The following ADCY1 variants were observed in gnomAD, a reference collection of about 807,000 sequenced individuals.
ADCY1 encodes adenylate cyclase type 1.
Under a neutral mutation model 105.4 loss-of-function variants are expected in ADCY1, and 28 were observed. That is an observed-to-expected ratio of 0.27 (90% confidence interval 0.20 to 0.36). ADCY1 has a LOEUF of 0.36. Among genes scored for constraint, ADCY1 ranks in the 10% least tolerant of loss-of-function variants. The pLI is 1.00. For missense variants in ADCY1, 977 were observed against 1,434.2 expected, an observed-to-expected ratio of 0.68 and a Z score of 5.15; for synonymous variants, 655 against 623.8, an observed-to-expected ratio of 1.05 and a Z score of -0.75.
intron 11 of ADCY1, chr7:45,684,362 C>T (rs1006289325): frequency 6.6e-6 from 1 of 152,196 alleles, no homozygotes; most frequent in Non-Finnish European, 1.5e-5. Flanking sequence ...GTGTAGCCGG[C>T]GAAGGGCACC....
chr7:45,697,102 C>G (rs1052748403), intron 14 of ADCY1, among the ~76,000 whole-genome samples: 2 of 152,214 alleles, frequency 1.3e-5, no homozygotes, highest in Non-Finnish European at 2.9e-5. Flanking sequence ...ACTTCAGTCA[C>G]TGAAACTGAG....
At position 45,714,308 on chromosome 7, in the gene ADCY1, G is replaced by GT. The variant is rs1785323930; in HGVS notation, c.*316dup. On this transcript the variant is annotated 3_prime_UTR_variant, in exon 20 of 20. Coordinates refer to ENST00000297323, the MANE Select transcript of ADCY1 (RefSeq NM_021116.4). ...GTTTCTTTCCAGCAAGCCTGTTCAGGTTTGGCCAGGTCGGCATCAATGTAA... is the reference window on the plus strand; with the variant it reads ...GTTTCTTTCCAGCAAGCCTGTTCAGGTTTTGGCCAGGTCGGCATCAATGTAA... The GT allele has an allele frequency of 2.5e-6, 1 of 394,426 alleles. No individual in the cohort carries two copies. Among genetic ancestry groups the GT allele is most frequent in the Non-Finnish European group, 4.6e-6 (1 of 217,194 alleles). The allele number at this position is 394,426 out of a possible 1,614,324, so 24.4% of individuals were successfully genotyped here. A position where few individuals can be genotyped will look rare whatever the true frequency, so the allele number is the denominator to read the frequency against.
intron 2 of ADCY1, among the ~76,000 whole-genome samples, chr7:45,594,722 A>G (rs771489815): frequency 2.0e-5 from 3 of 152,118 alleles, no homozygotes; most frequent in East Asian, 1.9e-4. Flanking sequence ...CCTCAGCCCT[A>G]TGGAGGAGGC....
chr7:45,612,835 G>A lies in ADCY1; in HGVS notation c.908+2338G>A, dbSNP rs927053586. ...GAGAACAGAGGTGGTAGTCTGGGGT[G>A]ATAGATACCATAACTTCCCCCTACT... On this transcript the variant is annotated intron_variant, in intron 3 of 19. Coordinates refer to ENST00000297323, the MANE Select transcript of ADCY1 (RefSeq NM_021116.4). Among the ~76,000 whole-genome samples the A allele has an allele frequency of 5.3e-5, 8 of 152,188 alleles. 1 individual carries two copies. The highest frequency in any genetic ancestry group is 5.2e-4 in the Admixed American group (8 of 15,284).
At chr7:45,593,852 G>A (rs1038464788) in intron 2 of ADCY1, among the ~76,000 whole-genome samples, 1 of 152,236 alleles carries the variant, frequency 6.6e-6, no homozygotes, top group Non-Finnish European at 1.5e-5. Flanking sequence ...AATAAAAGTA[G>A]GAAATAGATC....
intron 8 of ADCY1, 111 bp downstream of exon 8, chr7:45,662,325 C>G: frequency 8.3e-7 from 1 of 1,203,206 alleles, no homozygotes; most frequent in East Asian, 2.6e-5. Flanking sequence ...TCCCTGTTCA[C>G]ATGTGGATAA....
chr7:45,659,547 C>T (rs1359311452), intron 6 of ADCY1, among the ~76,000 whole-genome samples: 4 of 152,172 alleles, frequency 2.6e-5, no homozygotes, highest in African/African-American at 9.7e-5. Flanking sequence ...GGCTCCACAG[C>T]GTTTCTTACC....
chr7:45,659,621 G>C (rs904048745), intron 6 of ADCY1, among the ~76,000 whole-genome samples: 1 of 152,200 alleles, frequency 6.6e-6, no homozygotes, highest in African/African-American at 2.4e-5. Flanking sequence ...TTGCTACCCA[G>C]TGGGGTCTGC....
intron 3 of ADCY1, among the ~76,000 whole-genome samples, chr7:45,614,151 T>A (rs749072324): frequency 6.6e-5 from 10 of 152,204 alleles, no homozygotes; most frequent in Non-Finnish European, 1.3e-4. Flanking sequence ...TAAATCACTT[T>A]TTATTCTAGC....
intron 2 of ADCY1, among the ~76,000 whole-genome samples, chr7:45,598,439 A>G (rs1793134306): frequency 6.6e-6 from 1 of 152,256 alleles, no homozygotes; most frequent in East Asian, 1.9e-4. Flanking sequence ...GGTTCTTTGA[A>G]ATAGAAAAGC....
intron 3 of ADCY1, among the ~76,000 whole-genome samples, chr7:45,619,464 T>A (rs76394328): frequency 0.031 from 4,773 of 152,252 alleles, 99 homozygotes; most frequent in African/African-American, 0.056. Flanking sequence ...TATTGAAGTG[T>A]CACACCATAA....
At position 45,686,281 on chromosome 7, in the gene ADCY1, A is replaced by G. The variant is rs1784672138; in HGVS notation, c.2327+66A>G. The G allele has an allele frequency of 1.3e-6, 2 of 1,551,246 alleles. No homozygotes were observed. The highest frequency in any genetic ancestry group is 1.8e-6 in the Non-Finnish European group (2 of 1,142,610). ...TGCTACTGAATCTGTGTATACAGAT[A>G]TGCACTACAGGCTTCTGAGTCCAGA... On this transcript the variant is annotated intron_variant, in intron 13 of 19. Coordinates refer to ENST00000297323, the MANE Select transcript of ADCY1 (RefSeq NM_021116.4). The surrounding 1 kb of genome is among the most constrained non-coding windows in gnomAD (Gnocchi z 4.3).
chr7:45,625,388 G>A (rs979971235), intron 4 of ADCY1, among the ~76,000 whole-genome samples: 3 of 152,212 alleles, frequency 2.0e-5, no homozygotes, highest in Non-Finnish European at 4.4e-5. Context: ...GTACGTGGTG[G>A]AGATGCCTGA....
rs556465616 is a variant in ADCY1 at position 45,699,941 on chromosome 7, A to G, written c.2455-3435A>G. 7.2e-5 allele frequency among the ~76,000 whole-genome samples: 11 copies of G among 152,274 alleles called. No homozygotes were observed. In the South Asian group the frequency reaches 1.9e-3, roughly 26 times the overall value. ...GCACAGAAGGGGGGCTGTGAAGTCC[A>G]GGCTGGCCACTGAGGGTCCAGCCAG... On this transcript the variant is annotated intron_variant, in intron 14 of 19. Coordinates refer to ENST00000297323, the MANE Select transcript of ADCY1 (RefSeq NM_021116.4).
intron 5 of ADCY1, among the ~76,000 whole-genome samples, chr7:45,654,829 A>G (rs1298717480): frequency 2.0e-5 from 3 of 152,184 alleles, no homozygotes; most frequent in Non-Finnish European, 4.4e-5. Flanking sequence ...TTTATATTCT[A>G]GATCGAGAAG....
intron 2 of ADCY1, among the ~76,000 whole-genome samples, chr7:45,608,731 AT>A (rs920045135): frequency 5.3e-5 from 8 of 151,864 alleles, no homozygotes; most frequent in Admixed American, 2.0e-4. Context: ...AGTATCCTGC[AT>A]TTTTCAATTC....
chr7:45,684,153 A>G (rs776723463), intron 11 of ADCY1, among the ~76,000 whole-genome samples: 2 of 152,248 alleles, frequency 1.3e-5, no homozygotes, highest in East Asian at 3.8e-4. Flanking sequence ...TGAAATACCC[A>G]ATGGTATCTT....
chr7:45,650,479 T>C (rs2116067943), intron 5 of ADCY1, among the ~76,000 whole-genome samples: 1 of 152,236 alleles, frequency 6.6e-6, no homozygotes, highest in African/African-American at 2.4e-5. Flanking sequence ...ATTTGCTTAG[T>C]AAATATTTGT....
chr7:45,664,477 C>T (rs1328242575), intron 8 of ADCY1: 14 of 1,501,460 alleles, frequency 9.3e-6, no homozygotes, highest in Non-Finnish European at 1.2e-5. Flanking sequence ...CTGTTCTTCT[C>T]TCAGCACTCT....
Sources: allele counts gnomAD v4.1 joint callset (sites outside exome capture counted in the v4.1 genomes callset), GRCh38; gene constraint gnomAD v4.1.1; non-coding constraint Gnocchi (gnomAD v3.1); transcripts MANE v1.5; gene names NCBI Gene and HGNC (gene_info 2026-07-23, HGNC 2026-07-21).